UBQLN4: variants seen among roughly 807,000 people sequenced by gnomAD.
The protein encoded by UBQLN4 is ubiquilin-4.
In UBQLN4, 11 loss-of-function variants were observed where a neutral mutation model predicts 60.4. The ratio of observed to expected loss-of-function variants is 0.18; its 90% CI spans 0.11 to 0.30. UBQLN4 has a LOEUF of 0.30. UBQLN4 is among the 10% of genes least tolerant of loss of function. The probability of loss-of-function intolerance (pLI) is 1.00; values close to 1 mark genes in which losing one functional copy is unlikely to be tolerated. For missense variants in UBQLN4, 417 were observed against 795.5 expected (o/e 0.52, Z 5.72); for synonymous variants, 258 against 313.1 (o/e 0.82, Z 1.86).
In UBQLN4 at chr1:156,050,300, G is replaced by A. The variant is rs1163438797; in HGVS notation, c.732C>T (p.Leu244=). 9 of 1,571,210 alleles carry A rather than the reference G, an allele frequency of 5.7e-6. No homozygotes were observed. Among genetic ancestry groups the A allele is most frequent in the Non-Finnish European group, 6.9e-6 (8 of 1,152,966 alleles). ...GCCCTCTCATACTCACCTGCCTCAT[G>A]AGTTCAGGGTTATTGAGCATGTGGC... is the stretch of plus-strand genomic sequence containing the variant. ...EISHMLNNPE[L]MRQTMELARN... is the part of the protein sequence containing the mutation. Residue 244 remains leucine, a synonymous_variant, in exon 4 of 11, where the codon CTC becomes CTT. Transcript: ENST00000368309. The surrounding 1 kb of genome is among the most constrained non-coding windows in gnomAD (Gnocchi z 4.6).
At position 156,042,143 on chromosome 1, in the gene UBQLN4, C is replaced by T; in HGVS notation, c.1350+10G>A. The T allele has an allele frequency of 6.2e-7, 1 of 1,604,570 alleles. No individual in the cohort carries two copies. Among genetic ancestry groups the T allele is most frequent in the South Asian group, 1.1e-5 (1 of 89,934 alleles). ...CCCTCAACCTCCACCCATCTAGGCTCCTCACTCACCTGCTGCAGGAAGACT... is the reference window on the plus strand; with the variant it reads ...CCCTCAACCTCCACCCATCTAGGCTTCTCACTCACCTGCTGCAGGAAGACT... On this transcript the variant is annotated intron_variant, in intron 8 of 10. Transcript: ENST00000368309.
rs41265007 is a variant in UBQLN4, at chr1:156,051,288, G to A, written c.300C>T (p.Ser100=). The stretch of plus-strand genomic sequence containing the variant: ...AGGGTGCTGAGGCAGGGTCAGGTGT[G>A]GAGGGGGAAGAAGCAGTGGCAGCAG... ...DPAAATASSP[S]TPDPASAPST... Residue 100 remains serine (S), a synonymous_variant, in exon 3 of 11, where the codon TCC becomes TCT. Coordinates refer to ENST00000368309, the MANE Select transcript of UBQLN4 (RefSeq NM_020131.5). 0.04 allele frequency: 62,752 copies of A among 1,562,834 alleles called. 1,513 individuals carry two copies. The highest frequency in any genetic ancestry group is 0.047 in the Non-Finnish European group (54,108 of 1,152,514).
Position 156,050,571 on chromosome 1 carries a change from G to A in UBQLN4, c.479-18C>T. On this transcript the variant is annotated intron_variant, in intron 3 of 10. Transcript: ENST00000368309. This position sits in a 1 kb window ranked among gnomAD's most constrained non-coding sequence, Gnocchi z 4.6. The stretch of plus-strand genomic sequence containing the variant: ...AAAGCCAGCTGTGGGAAGGGGGCAG[G>A]GTCACAGTCTGCCACAAGAACAGTG... 1 of 1,594,080 alleles carries A rather than the reference G, an allele frequency of 6.3e-7. No homozygotes were observed. Among genetic ancestry groups the A allele is most frequent in the South Asian group, 1.1e-5 (1 of 88,568 alleles).
chr1:156,038,435 G>A (rs929449401), intron 10 of UBQLN4, among the ~76,000 whole-genome samples: 42 of 150,922 alleles, frequency 2.8e-4, no homozygotes, highest in African/African-American at 9.5e-4. Flanking sequence ...TGAGGCAGGT[G>A]GATCACTTGA....
Position 156,041,754 on chromosome 1 carries a change from G to A in UBQLN4, c.1467-83C>T. 3 of 1,451,370 alleles carry A rather than the reference G, an allele frequency of 2.1e-6. No homozygotes were observed. The South Asian group carries it at 4.3e-5, about 21-fold the overall frequency. The allele number at this position is 1,451,370 out of a possible 1,614,324, so 89.9% of individuals were successfully genotyped here. On this transcript the variant is annotated intron_variant, in intron 9 of 10. Coordinates refer to ENST00000368309, the MANE Select transcript of UBQLN4 (RefSeq NM_020131.5). Reference sequence around the variant, plus strand: ...TGAGATCCAGAAGGAAAAGCAGTTGGAAGAAACAGGAAAACAGACCCTCAG... The same window carrying A: ...TGAGATCCAGAAGGAAAAGCAGTTGAAAGAAACAGGAAAACAGACCCTCAG...
Position 156,050,975 on chromosome 1 carries a change from C to CA in UBQLN4, c.478+134dup. 2.4e-6 allele frequency: 2 copies of CA among 830,384 alleles called. No homozygotes were observed. The highest frequency in any genetic ancestry group is 3.9e-6 in the Non-Finnish European group (2 of 515,916). 51.4% of individuals were successfully genotyped at this position (830,384 alleles called of 1,614,324 possible). Reference sequence around the variant, plus strand: ...TTCTTCCCCAGCTTGACTCAAGTATCAATGTCTGGAACTCTGTCATGGGGT... The same window carrying CA: ...TTCTTCCCCAGCTTGACTCAAGTATCAAATGTCTGGAACTCTGTCATGGGGT... On this transcript the variant is annotated intron_variant, in intron 3 of 10. Transcript: ENST00000368309. This position sits in a 1 kb window ranked among gnomAD's most constrained non-coding sequence, Gnocchi z 4.6.
At chr1:156,052,163 C>T (rs917778908) in intron 1 of UBQLN4, among the ~76,000 whole-genome samples, 3 of 152,174 alleles carry the variant, frequency 2.0e-5, no homozygotes, top group Non-Finnish European at 4.4e-5. Flanking sequence ...AGAGCAGCCT[C>T]CCATCCCAAC....
chr1:156,037,063 C>G lies in UBQLN4; in HGVS notation c.1721G>C (p.Arg574Pro), dbSNP rs776511401. The G allele has an allele frequency of 2.5e-6, 4 of 1,614,208 alleles. No individual in the cohort carries two copies. The highest frequency in any genetic ancestry group is 3.4e-6 in the Non-Finnish European group (4 of 1,180,036). The stretch of plus-strand genomic sequence containing the variant: ...AATCAGGGCCTGCAGGTTAGCCTCA[C>G]GATTGATGAAGCCCATGGAGTTGAG... ...EQLNSMGFIN[R>P]EANLQALIAT... is the part of the protein sequence containing the mutation. Residue 574 changes from arginine (R) to proline (P), a missense_variant, in exon 11 of 11, where the codon CGT (arginine) becomes CCT (proline). Transcript: ENST00000368309.
At chr1:156,037,456 G>A (rs765130263) in intron 10 of UBQLN4, among the ~76,000 whole-genome samples, 23 of 152,136 alleles carry the variant, frequency 1.5e-4, no homozygotes, top group Non-Finnish European at 2.6e-4. Context: ...TTCGCTGGGT[G>A]TGGTGGTGGG....
At chr1:156,041,143 C>T (rs1683550518) in intron 10 of UBQLN4, among the ~76,000 whole-genome samples, 1 of 152,162 alleles carries the variant, frequency 6.6e-6, no homozygotes, top group African/African-American at 2.4e-5. Flanking sequence ...CTTAACCTTT[C>T]CGGGCCTCAG....
chr1:156,041,349 C>T (rs187978013), intron 10 of UBQLN4, 136 bp downstream of exon 10: 154 of 939,154 alleles, frequency 1.6e-4, no homozygotes, highest in Middle Eastern at 3.6e-4. Flanking sequence ...GCATCAGTAA[C>T]CTGCCCAAGG....
At chr1:156,046,138 G>A (rs567742033) in intron 5 of UBQLN4, among the ~76,000 whole-genome samples, 32 of 151,740 alleles carry the variant, frequency 2.1e-4, no homozygotes, top group Non-Finnish European at 3.1e-4. Flanking sequence ...GCGCCACTAC[G>A]CTCCACCAAC....
chr1:156,053,568 C>T, intron 1 of UBQLN4, 26 bp downstream of exon 1: 3 of 1,216,424 alleles, frequency 2.5e-6, no homozygotes, highest in Non-Finnish European at 3.2e-6. Flanking sequence ...CTCCGCGCTC[C>T]CCCCGCCCCC....
intron 1 of UBQLN4, among the ~76,000 whole-genome samples, chr1:156,052,479 A>C (rs1488673429): frequency 2.6e-5 from 4 of 152,012 alleles, no homozygotes; most frequent in Non-Finnish European, 5.9e-5. Context: ...GGCACACACC[A>C]CCATGCCTGG....
At chr1:156,034,823 T>TTA (rs1558083065), downstream of UBQLN4, among the ~76,000 whole-genome samples, 21 of 35,888 alleles carry the variant, frequency 5.9e-4, 1 homozygote, top group Middle Eastern at 0.019. Context: ...TCCCTTAACC[T>TTA]TCTATATATA....
At chr1:156,052,115 T>C (rs967743397) in intron 1 of UBQLN4, among the ~76,000 whole-genome samples, 1 of 152,110 alleles carries the variant, frequency 6.6e-6, no homozygotes, top group Non-Finnish European at 1.5e-5. Context: ...GCTATCTGCC[T>C]CCCAGCTTCA....
At position 156,036,534 on chromosome 1, in the gene UBQLN4, G is replaced by A; in HGVS notation, c.*444C>T. On this transcript the variant is annotated 3_prime_UTR_variant, in exon 11 of 11. Transcript: ENST00000368309. Reference sequence around the variant, plus strand: ...AATTCTAGCATTGGTTGGGCTAGGGGTTGGGGGGTAGGGAGAAAAAGAAGG... The same window carrying A: ...AATTCTAGCATTGGTTGGGCTAGGGATTGGGGGGTAGGGAGAAAAAGAAGG... 3 of 987,790 alleles carry A rather than the reference G, an allele frequency of 3.0e-6. No homozygotes were observed. Among genetic ancestry groups the A allele is most frequent in the Non-Finnish European group, 3.6e-6 (3 of 831,316 alleles). 61.2% of individuals were successfully genotyped at this position (987,790 alleles called of 1,614,324 possible). A position where few individuals can be genotyped will look rare whatever the true frequency, so the allele number is the denominator to read the frequency against.
In UBQLN4 at chr1:156,050,450, C is replaced by T; in HGVS notation, c.582G>A (p.Glu194=). 6.2e-7 allele frequency: 1 copy of T among 1,613,910 alleles called. No individual in the cohort carries two copies. Among genetic ancestry groups the T allele is most frequent in the Non-Finnish European group, 8.5e-7 (1 of 1,180,030 alleles). Residue 194 remains glutamate (E), a synonymous_variant, in exon 4 of 11, where the codon GAG becomes GAA. Coordinates refer to ENST00000368309, the MANE Select transcript of UBQLN4 (RefSeq NM_020131.5). The surrounding 1 kb of genome is among the most constrained non-coding windows in gnomAD (Gnocchi z 4.6). ...QMQRQLMSNP[E]MLSQIMENPL... ...GGTTCTCCATGATCTGTGACAGCAT[C>T]TCAGGATTGGACATCAGCTGCCGCT...
At chr1:156,045,521 T>C (rs890213507) in intron 5 of UBQLN4, among the ~76,000 whole-genome samples, 1 of 152,286 alleles carries the variant, frequency 6.6e-6, no homozygotes, top group Non-Finnish European at 1.5e-5. Flanking sequence ...TTTATTCTAA[T>C]GCTTATAATA....
Sources: allele counts gnomAD v4.1 joint callset (sites outside exome capture counted in the v4.1 genomes callset), GRCh38; gene constraint gnomAD v4.1.1; non-coding constraint Gnocchi (gnomAD v3.1); transcripts MANE v1.5; gene names NCBI Gene and HGNC (gene_info 2026-07-23, HGNC 2026-07-21).